The following PCDHA2 variants were observed in gnomAD, a reference collection of about 807,000 sequenced individuals.
The protein encoded by PCDHA2 is protocadherin alpha-2.
PCDHA2 carries 58 observed loss-of-function variants against 66.0 expected under a neutral mutation model. The observed-to-expected ratio is 0.88, with a 90% CI of 0.71 to 1.09. The LOEUF (loss-of-function observed/expected upper bound fraction) is 1.09. Ranked by LOEUF, PCDHA2 falls within the 50% of genes least tolerant of loss-of-function variation. The probability of loss-of-function intolerance (pLI) is 0.00; values close to 1 mark genes in which losing one functional copy is unlikely to be tolerated. For missense variants in PCDHA2, 1,267 were observed against 1,242.3 expected (o/e 1.02, Z -0.30); for synonymous variants, 634 against 554.0 (o/e 1.14, Z -2.03).
At chr5:140,852,905 G>C in intron 1 of PCDHA2, 3 of 819,178 alleles carry the variant, frequency 3.7e-6, no homozygotes, top group Non-Finnish European at 4.5e-6. Flanking sequence ...TTGAGTCAGA[G>C]TCTCGCTCTG....
At chr5:140,828,166 G>T (rs2150151678) in intron 1 of PCDHA2, 1 of 1,614,182 alleles carries the variant, frequency 6.2e-7, no homozygotes, top group Non-Finnish European at 8.5e-7. Context: ...CAGCCTGGAA[G>T]GTGGGGAGCG....
At chr5:140,941,214 C>CTTCCTTTCTTTCTTT (rs1554214039) in intron 1 of PCDHA2, among the ~76,000 whole-genome samples, 1 of 122,414 alleles carries the variant, frequency 8.2e-6, no homozygotes, top group Non-Finnish European at 1.7e-5. Context: ...TTTCTTTCTT[C>CTTCCTTTCTTTCTTT]CTTTCTTTCT....
chr5:140,917,853 G>A (rs1187603480), intron 1 of PCDHA2, among the ~76,000 whole-genome samples: 1 of 151,906 alleles, frequency 6.6e-6, no homozygotes, highest in African/African-American at 2.4e-5. Flanking sequence ...TTTTTGCTTA[G>A]GATTGCTTTG....
At chr5:140,936,449 C>A (rs1245206418) in intron 1 of PCDHA2, among the ~76,000 whole-genome samples, 1 of 152,174 alleles carries the variant, frequency 6.6e-6, no homozygotes, top group African/African-American at 2.4e-5. Context: ...ATAACCACAT[C>A]TGTTTAGTGG....
intron 1 of PCDHA2, among the ~76,000 whole-genome samples, chr5:140,969,836 T>C (rs1349045341): frequency 6.6e-6 from 1 of 152,224 alleles, no homozygotes; most frequent in Non-Finnish European, 1.5e-5. Flanking sequence ...ACAGTGGAAA[T>C]TATCTAGTTA....
At chr5:140,906,713 G>A (rs1554192665) in intron 1 of PCDHA2, among the ~76,000 whole-genome samples, 1 of 152,160 alleles carries the variant, frequency 6.6e-6, no homozygotes, top group Non-Finnish European at 1.5e-5. Flanking sequence ...AGTCCTGCCT[G>A]GATTGTGCTG....
In PCDHA2 at chr5:140,883,629, C is replaced by T. The variant is rs1467301210; in HGVS notation, c.2388+86277C>T. ...GCCGACGTGAACGACAACGCGCCGGCGTTCGCGCAGCCCGAGTACACGGTG... is the reference window on the plus strand; with the variant it reads ...GCCGACGTGAACGACAACGCGCCGGTGTTCGCGCAGCCCGAGTACACGGTG... On this transcript the variant is annotated intron_variant, in intron 1 of 3. Transcript: ENST00000526136. 6.2e-7 allele frequency: 1 copy of T among 1,613,868 alleles called. No individual in the cohort carries two copies. Among genetic ancestry groups the T allele is most frequent in the African/African-American group, 1.3e-5 (1 of 74,936 alleles).
At position 140,796,746 on chromosome 5, in the gene PCDHA2, G is replaced by A; in HGVS notation, c.1782G>A (p.Val594=). Residue 594 remains valine, a synonymous_variant, in exon 1 of 4, where the codon GTG becomes GTA. Transcript: ENST00000526136. Reference sequence around the variant, plus strand: ...GTGCAGGGCACGTGGTGGCGAAGGTGCGCGCAGTGGACGCTGACTCAGGCT... The same window carrying A: ...GTGCAGGGCACGTGGTGGCGAAGGTACGCGCAGTGGACGCTGACTCAGGCT... ...SVGAGHVVAK[V]RAVDADSGYN... 3 of 1,614,150 alleles carry A rather than the reference G, an allele frequency of 1.9e-6. No homozygotes were observed. The highest frequency in any genetic ancestry group is 2.5e-6 in the Non-Finnish European group (3 of 1,179,970).
At chr5:141,000,410 TA>T (rs2097918693) in intron 3 of PCDHA2, among the ~76,000 whole-genome samples, 2 of 101,940 alleles carry the variant, frequency 2.0e-5, no homozygotes, top group African/African-American at 7.8e-5. Flanking sequence ...TATATATATA[TA>T]TATATATATA....
chr5:140,826,325 G>C (rs1455505548), intron 1 of PCDHA2, among the ~76,000 whole-genome samples: 1 of 151,996 alleles, frequency 6.6e-6, no homozygotes, highest in African/African-American at 2.4e-5. Context: ...GATTGTTTTT[G>C]GTTAAGAAAT....
In PCDHA2 at chr5:140,797,144, C is replaced by A. The variant is rs782005280; in HGVS notation, c.2180C>A (p.Pro727His). 1 of 1,613,960 alleles carries A rather than the reference C, an allele frequency of 6.2e-7. No individual in the cohort carries two copies. Among genetic ancestry groups the A allele is most frequent in the South Asian group, 1.1e-5 (1 of 91,076 alleles). Residue 727 changes from proline to histidine, a missense_variant, in exon 1 of 4, where the codon CCC becomes CAC. Transcript: ENST00000526136. The part of the protein sequence containing the change: ...LYTALRCSVP[P>H]TEGARAPGKP... ...ACTGCGCTGCGGTGCTCGGTGCCAC[C>A]CACCGAGGGTGCGCGCGCGCCAGGA...
chr5:140,953,871 A>G (rs2094944952), intron 1 of PCDHA2, among the ~76,000 whole-genome samples: 1 of 152,146 alleles, frequency 6.6e-6, no homozygotes, highest in African/African-American at 2.4e-5. Context: ...TTTGCTGCAC[A>G]GATCAACCCA....
At chr5:140,907,591 C>T (rs539639384) in intron 1 of PCDHA2, among the ~76,000 whole-genome samples, 10 of 152,294 alleles carry the variant, frequency 6.6e-5, no homozygotes, top group African/African-American at 2.4e-4. Flanking sequence ...GGCTGATCAC[C>T]CTGAGGAATG....
intron 1 of PCDHA2, among the ~76,000 whole-genome samples, chr5:140,888,291 A>G (rs539984108): frequency 9.2e-5 from 14 of 152,122 alleles, no homozygotes; most frequent in Admixed American, 5.2e-4. Flanking sequence ...TCTACCCCCT[A>G]CCCAGGAGAT....
At chr5:140,823,245 C>A in intron 1 of PCDHA2, 2 of 1,613,492 alleles carry the variant, frequency 1.2e-6, no homozygotes, top group Non-Finnish European at 1.7e-6. Flanking sequence ...CCCTGGTGTC[C>A]TACTCGCTGG....
intron 1 of PCDHA2, chr5:140,821,974 T>C: frequency 6.2e-7 from 1 of 1,614,126 alleles, no homozygotes; most frequent in Non-Finnish European, 8.5e-7. Context: ...CCGGGTGGCG[T>C]CCAAGGGCCG....
At chr5:140,862,607 A>C in intron 1 of PCDHA2, 3 of 519,204 alleles carry the variant, frequency 5.8e-6, no homozygotes, top group Non-Finnish European at 1.2e-5. Flanking sequence ...GTGTTCGTGA[A>C]AGGTAACAAC....
intron 3 of PCDHA2, 79 bp downstream of exon 3, chr5:140,982,642 G>T: frequency 6.5e-7 from 1 of 1,529,982 alleles, no homozygotes; most frequent in Non-Finnish European, 8.8e-7. Flanking sequence ...GATCAGGAAT[G>T]TTGATGGCTC....
intron 1 of PCDHA2, chr5:140,805,555 A>AG (rs1181654207): frequency 2.0e-6 from 2 of 976,730 alleles, no homozygotes; most frequent in Non-Finnish European, 1.2e-6. Flanking sequence ...TGGATATAGG[A>AG]GGCAAGGAAA....
Sources: gnomAD v4.1 joint callset for allele counts (sites outside exome capture counted in the v4.1 genomes callset) on GRCh38, gnomAD v4.1.1 for gene constraint, MANE v1.5 for transcripts, NCBI Gene and HGNC (gene_info 2026-07-23, HGNC 2026-07-21) for gene names.